The following HEPHL1 variants were observed in gnomAD, a reference collection of about 807,000 sequenced individuals.
HEPHL1 encodes hephaestin like 1, also known as ferroxidase HEPHL1.
Under a neutral mutation model 122.0 loss-of-function variants are expected in HEPHL1, and 123 were observed. That is an observed-to-expected ratio of 1.01 (90% CI 0.87 to 1.17). HEPHL1 has a LOEUF of 1.17. Among genes scored for constraint, HEPHL1 ranks in the 50% most tolerant of loss-of-function variants. HEPHL1 has a pLI of 0.00. For missense variants in HEPHL1, 1,452 were observed against 1,430.5 expected, an observed-to-expected ratio of 1.01 and a Z score of -0.24; for synonymous variants, 527 against 508.9, an observed-to-expected ratio of 1.04 and a Z score of -0.48.
intron 13 of HEPHL1, among the ~76,000 whole-genome samples, chr11:94,094,698 G>C (rs963942750): frequency 1.2e-4 from 18 of 152,158 alleles, no homozygotes; most frequent in Middle Eastern, 3.2e-3. Context: ...ATTGTAACTG[G>C]TATGAGATGG....
intron 13 of HEPHL1, among the ~76,000 whole-genome samples, chr11:94,094,210 C>T (rs1946289902): frequency 6.6e-6 from 1 of 151,608 alleles, no homozygotes; most frequent in African/African-American, 2.4e-5. Context: ...CAAATGTTCT[C>T]ATTGTTCAAT....
At chr11:94,051,645 G>A (rs572259235) in intron 2 of HEPHL1, among the ~76,000 whole-genome samples, 79 of 152,172 alleles carry the variant, frequency 5.2e-4, no homozygotes, top group Non-Finnish European at 1.0e-3. Flanking sequence ...TTAACTTAAT[G>A]TGATCCCATT....
chr11:94,058,825 C>G (rs1945961714), intron 2 of HEPHL1, among the ~76,000 whole-genome samples: 4 of 152,062 alleles, frequency 2.6e-5, no homozygotes. Flanking sequence ...CTTGGCATCT[C>G]AAAGTGCTCA....
rs1485344204 is a variant in HEPHL1 at position 94,094,013 on chromosome 11, T to TATATAA, written c.2434+374_2434+375insTATAAA. Among the ~76,000 whole-genome samples the TATATAA allele has an allele frequency of 1.2e-4, 15 of 121,696 alleles. No individual in the cohort carries two copies. In the East Asian group the frequency reaches 1.6e-3, roughly 13 times the overall value. 79.8% of individuals were successfully genotyped at this position (121,696 alleles called of 152,430 possible). On this transcript the variant is annotated intron_variant, in intron 13 of 19. Coordinates refer to ENST00000315765, the MANE Select transcript of HEPHL1 (RefSeq NM_001098672.2). ...ATATATATATATATATATATATATATAAAACTTTAAGTTCTAGGGTACATG... is the reference window on the plus strand; with the variant it reads ...ATATATATATATATATATATATATATATATAAAAAACTTTAAGTTCTAGGGTACATG...
intron 2 of HEPHL1, among the ~76,000 whole-genome samples, chr11:94,053,157 C>G (rs1945906135): frequency 6.6e-6 from 1 of 151,860 alleles, no homozygotes. Context: ...TAGGTATATT[C>G]CAATTTTTTA....
At position 94,050,096 on chromosome 11, in the gene HEPHL1, C is replaced by T. The variant is rs568745831; in HGVS notation, c.415+4179C>T. ...TTTATTCCAAAGTATTTTATTTTTT[C>T]TGTTGATGTTATGAATGGAATAGTT... On this transcript the variant is annotated intron_variant, in intron 2 of 19. Coordinates refer to ENST00000315765, the MANE Select transcript of HEPHL1 (RefSeq NM_001098672.2). Among the ~76,000 whole-genome samples the T allele has an allele frequency of 1.7e-4, 26 of 152,042 alleles. 1 individual carries two copies. The highest frequency in any genetic ancestry group is 4.6e-4 in the African/African-American group (19 of 41,482).
rs1204364707 is a variant in HEPHL1, at chr11:94,106,036, A to G, written c.2951A>G (p.Asn984Ser). The change falls in exon 17 of 20, where the codon AAC becomes AGC. Residue 984 changes from asparagine to serine, a missense_variant. Asn to Ser is a conservative substitution (Grantham distance 46). Coordinates refer to ENST00000315765, the MANE Select transcript of HEPHL1 (RefSeq NM_001098672.2). ...GGGAATCTCCATGGCCTCATAATGA[A>G]CGAAGATACAATGACAAACTGGTAT... is the stretch of plus-strand genomic sequence containing the variant. ...IFGNLHGLIM[N>S]EDTMTNWYLL... The G allele has an allele frequency of 1.2e-6, 2 of 1,600,868 alleles. No individual in the cohort carries two copies. The highest frequency in any genetic ancestry group is 1.7e-6 in the Non-Finnish European group (2 of 1,171,086).
chr11:94,026,690 C>G (rs1236500134), intron 1 of HEPHL1, among the ~76,000 whole-genome samples: 1 of 152,194 alleles, frequency 6.6e-6, no homozygotes, highest in Non-Finnish European at 1.5e-5. Flanking sequence ...TCTTCTGTCT[C>G]TGGGAGGGAG....
chr11:94,029,166 T>C (rs536686029), intron 1 of HEPHL1, among the ~76,000 whole-genome samples: 71 of 152,148 alleles, frequency 4.7e-4, no homozygotes, highest in Non-Finnish European at 9.0e-4. Flanking sequence ...AGTTTTTGTT[T>C]TGTGTGAAGT....
chr11:94,097,653 A>AGG (rs1298522477), intron 13 of HEPHL1, among the ~76,000 whole-genome samples: 1 of 152,024 alleles, frequency 6.6e-6, no homozygotes, highest in Non-Finnish European at 1.5e-5. Flanking sequence ...TGGGAGTCTA[A>AGG]ATCTCTTTGT....
chr11:94,071,505 A>C lies in HEPHL1; in HGVS notation c.1232+963A>C, dbSNP rs181076288. Among the ~76,000 whole-genome samples the C allele has an allele frequency of 2.6e-4, 39 of 152,256 alleles. No individual in the cohort carries two copies. In the East Asian group the frequency reaches 6.0e-3, roughly 23 times the overall value. ...CAGAATAATGAGAATTAGCATTCAA[A>C]ATTGTCTTAGGAGCCTTCTAGAATT... On this transcript the variant is annotated intron_variant, in intron 6 of 19. Coordinates refer to ENST00000315765, the MANE Select transcript of HEPHL1 (RefSeq NM_001098672.2).
At chr11:94,037,670 G>T (rs950409110) in intron 1 of HEPHL1, among the ~76,000 whole-genome samples, 7 of 152,100 alleles carry the variant, frequency 4.6e-5, no homozygotes, top group Non-Finnish European at 1.0e-4. Context: ...CTGTCTGTTA[G>T]AAGGAAAAAT....
Position 94,114,204 on chromosome 11 carries a change from C to A in HEPHL1, c.*2310C>A, listed in dbSNP as rs1167790604. ...GTGCTGTCTTATTTAACTCTATAAC[C>A]CCCTCCGACACAGTTTCTCTCTTCC... On this transcript the variant is annotated 3_prime_UTR_variant, in exon 20 of 20. Coordinates refer to ENST00000315765, the MANE Select transcript of HEPHL1 (RefSeq NM_001098672.2). Among the ~76,000 whole-genome samples, 4 of 152,256 alleles carry A rather than the reference C, an allele frequency of 2.6e-5. No homozygotes were observed. Among genetic ancestry groups the A allele is most frequent in the Middle Eastern group, 3.4e-3 (1 of 294 alleles).
At chr11:94,034,391 G>A (rs1398319661) in intron 1 of HEPHL1, among the ~76,000 whole-genome samples, 2 of 152,222 alleles carry the variant, frequency 1.3e-5, no homozygotes, top group Admixed American at 6.5e-5. Context: ...GAGCTTTGAA[G>A]TAGGAGCTGC....
chr11:94,072,822 G>A (rs573665388), intron 6 of HEPHL1, among the ~76,000 whole-genome samples: 1 of 152,124 alleles, frequency 6.6e-6, no homozygotes, highest in African/African-American at 2.4e-5. Context: ...ATGGCTGAGA[G>A]AAATGAGCTT....
intron 1 of HEPHL1, among the ~76,000 whole-genome samples, chr11:94,044,763 C>CT (rs112232970): frequency 0.18 from 25,021 of 136,322 alleles, 2,544 homozygotes; most frequent in African/African-American, 0.24. Context: ...TTCTCCAAAC[C>CT]TTTTTTTTTT....
chr11:94,037,404 C>A lies in HEPHL1; in HGVS notation c.171-8269C>A, dbSNP rs551126477. On this transcript the variant is annotated intron_variant, in intron 1 of 19. Coordinates refer to ENST00000315765, the MANE Select transcript of HEPHL1 (RefSeq NM_001098672.2). ...GGCCTGCCTGCCTCTGTAGGCTCCA[C>A]CTCTGGGGGCAGGGCACAGACAAAC... 7.3e-3 allele frequency among the ~76,000 whole-genome samples: 1,106 copies of A among 152,128 alleles called. 8 individuals are homozygous for A. Among genetic ancestry groups the A allele is most frequent in the Non-Finnish European group, 0.012 (813 of 68,010 alleles).
At chr11:94,091,755 G>T (rs763401048) in intron 12 of HEPHL1, among the ~76,000 whole-genome samples, 2 of 152,296 alleles carry the variant, frequency 1.3e-5, no homozygotes, top group East Asian at 3.9e-4. Flanking sequence ...GGAGGAAGTA[G>T]TCTTTGAGTT....
chr11:94,058,096 A>G (rs1448637362), intron 2 of HEPHL1, among the ~76,000 whole-genome samples: 1 of 152,118 alleles, frequency 6.6e-6, no homozygotes, highest in African/African-American at 2.4e-5. Flanking sequence ...GTGGTCAGCA[A>G]ATGATTTGAA....
Sources: allele counts gnomAD v4.1 joint callset (sites outside exome capture counted in the v4.1 genomes callset), GRCh38; gene constraint gnomAD v4.1.1; transcripts MANE v1.5; gene names NCBI Gene and HGNC (gene_info 2026-07-23, HGNC 2026-07-21).